ANXA5: variants seen among roughly 807,000 people sequenced by gnomAD.
ANXA5 encodes annexin A5, also known as CBP-I.
In ANXA5, 40 loss-of-function variants were observed where a neutral mutation model predicts 48.1. The ratio of observed to expected loss-of-function variants is 0.83; its 90% confidence interval spans 0.65 to 1.08. ANXA5 has a LOEUF of 1.08. Among genes scored for constraint, ANXA5 ranks in the 50% least tolerant of loss-of-function variants. ANXA5 has a pLI of 0.00. For synonymous variants in ANXA5, 113 were observed against 129.1 expected (o/e 0.88, Z 0.85); for missense variants, 357 against 376.8 (o/e 0.95, Z 0.44).
intron 2 of ANXA5, among the ~76,000 whole-genome samples, chr4:121,688,712 G>C (rs6845202): frequency 0.42 from 63,407 of 152,012 alleles, 15,472 homozygotes; most frequent in East Asian, 0.73. Flanking sequence ...CCTAAGTCAA[G>C]TGGTATGATC....
rs563787505 is a variant in ANXA5 at position 121,680,196 on chromosome 4, G to A, written c.394+1475C>T. Among the ~76,000 whole-genome samples, 5 of 152,162 alleles carry A rather than the reference G, an allele frequency of 3.3e-5. No homozygotes were observed. The South Asian group carries it at 6.2e-4, about 19-fold the overall frequency. On this transcript the variant is annotated intron_variant, in intron 6 of 12. Transcript: ENST00000296511. ...TTTCACTTTGCATTATGTCCTCCAC[G>A]TTTATCCATGATGTTGAAATGACAG...
chr4:121,673,853 A>T (rs1160213616), intron 8 of ANXA5, among the ~76,000 whole-genome samples: 1 of 152,084 alleles, frequency 6.6e-6, no homozygotes, highest in Non-Finnish European at 1.5e-5. Context: ...TCATTGAGAA[A>T]TTTTATAAAA....
At chr4:121,689,338 C>A (rs1724942770) in intron 2 of ANXA5, among the ~76,000 whole-genome samples, 1 of 152,158 alleles carries the variant, frequency 6.6e-6, no homozygotes, top group Non-Finnish European at 1.5e-5. Context: ...TTTTGAATGT[C>A]TCCCCCGTCC....
chr4:121,694,489 A>T (rs1725045339), intron 2 of ANXA5, among the ~76,000 whole-genome samples: 1 of 151,996 alleles, frequency 6.6e-6, no homozygotes. Flanking sequence ...GGTTCAAGTG[A>T]TTCTCCTGCC....
chr4:121,696,575 C>T lies in ANXA5; in HGVS notation c.9+6G>A. ...ATCCAGCGCAGTGGGGGGCGCACGG[C>T]CTTACCTGTGCCATGGCGACTACTC... On this transcript the variant is annotated splice_donor_region_variant and intron_variant, in intron 2 of 12. Coordinates refer to ENST00000296511, the MANE Select transcript of ANXA5 (RefSeq NM_001154.4). The T allele has an allele frequency of 7.0e-7, 1 of 1,420,462 alleles. No homozygotes were observed. Among genetic ancestry groups the T allele is most frequent in the Non-Finnish European group, 9.3e-7 (1 of 1,076,378 alleles). 88.0% of individuals were successfully genotyped at this position (1,420,462 alleles called of 1,614,324 possible).
At chr4:121,675,648 T>C (rs1283008125) in intron 8 of ANXA5, among the ~76,000 whole-genome samples, 1 of 152,204 alleles carries the variant, frequency 6.6e-6, no homozygotes, top group Non-Finnish European at 1.5e-5. Flanking sequence ...CAGTCTCACA[T>C]GTACTCTCAG....
chr4:121,669,976 T>C lies in ANXA5; in HGVS notation c.758A>G (p.Glu253Gly), dbSNP rs1478009233. Residue 253 changes from glutamate (E) to glycine (G), a missense_variant, in exon 11 of 13, where the codon GAG (glutamate) becomes GGG (glycine). Physicochemically the swap from Glu to Gly is moderately conservative, Grantham distance 98 (BLOSUM62 -2). Transcript: ENST00000296511. ...TACCTTCATAGCATAATAGAGGGTC[T>C]CTGCAAGGTAGGCAGGTATACTTCG... ...SIRSIPAYLAETLYYAMKGAG... is the reference protein window; with the variant it reads ...SIRSIPAYLAGTLYYAMKGAG... 1.2e-6 allele frequency: 2 copies of C among 1,604,884 alleles called. No individual in the cohort carries two copies. Among genetic ancestry groups the C allele is most frequent in the South Asian group, 1.1e-5 (1 of 89,428 alleles).
At chr4:121,673,651 CAATTTTA>C (rs2110480327) in intron 8 of ANXA5, among the ~76,000 whole-genome samples, 1 of 152,108 alleles carries the variant, frequency 6.6e-6, no homozygotes, top group South Asian at 2.1e-4. Context: ...TCTTTATGCT[CAATTTTA>C]AAATTAATTA....
intron 2 of ANXA5, among the ~76,000 whole-genome samples, chr4:121,688,902 G>C (rs1055691740): frequency 6.6e-6 from 1 of 152,108 alleles, no homozygotes. Flanking sequence ...TTGTCTCGTG[G>C]AGAGGTTATG....
chr4:121,690,928 T>TAAGA (rs1227081458), intron 2 of ANXA5, among the ~76,000 whole-genome samples: 1 of 151,992 alleles, frequency 6.6e-6, no homozygotes, highest in Non-Finnish European at 1.5e-5. Context: ...GAGAAATGAG[T>TAAGA]AAGAAGGGCA....
chr4:121,694,213 T>A (rs10006927), intron 2 of ANXA5, among the ~76,000 whole-genome samples: 2 of 148,592 alleles, frequency 1.3e-5, no homozygotes, highest in Non-Finnish European at 3.0e-5. Flanking sequence ...CAAACCTGCA[T>A]GTTGTGCACA....
intron 2 of ANXA5, among the ~76,000 whole-genome samples, chr4:121,692,101 T>C (rs948138654): frequency 6.6e-5 from 10 of 152,176 alleles, no homozygotes; most frequent in African/African-American, 2.4e-4. Flanking sequence ...TTTCCTTTCC[T>C]TTTCATGCTC....
In ANXA5 at chr4:121,681,724, A is replaced by C. The variant is rs199976717; in HGVS notation, c.341T>G (p.Ile114Ser). 8.1e-6 allele frequency: 13 copies of C among 1,612,988 alleles called. No individual in the cohort carries two copies. Among genetic ancestry groups the C allele is most frequent in the Non-Finnish European group, 8.5e-6 (10 of 1,179,286 alleles). The change falls in exon 6 of 13, where the codon ATT becomes AGT. Residue 114 changes from isoleucine to serine, a missense_variant. By Grantham distance (142) the Ile-to-Ser change is moderately radical (BLOSUM62 -2). Transcript: ENST00000296511. ...GTNEKVLTEI[I>S]ASRTPEELRA... ...CAGTTCTTCAGGTGTCCTTGAAGCA[A>C]TAATTTCTGTCAGTACTTTTTCATT... is the stretch of plus-strand genomic sequence containing the variant.
chr4:121,690,088 G>C (rs987479660), intron 2 of ANXA5, among the ~76,000 whole-genome samples: 1 of 152,228 alleles, frequency 6.6e-6, no homozygotes, highest in Non-Finnish European at 1.5e-5. Flanking sequence ...GTGGCAGCTA[G>C]TATCTGCTGA....
chr4:121,678,540 G>C (rs375266096), intron 6 of ANXA5, 46 bp from the exon 7 acceptor site: 3 of 1,467,218 alleles, frequency 2.0e-6, no homozygotes, highest in African/African-American at 1.4e-5. Context: ...CTTTCAACTA[G>C]AAAAGTAATC....
intron 9 of ANXA5, among the ~76,000 whole-genome samples, chr4:121,672,006 G>C (rs561954616): frequency 2.0e-5 from 3 of 152,230 alleles, no homozygotes; most frequent in African/African-American, 7.2e-5. Context: ...GACATCTTAT[G>C]ATAATGAAGA....
At chr4:121,694,262 TAATAAAAAATA>T (rs1325234453) in intron 2 of ANXA5, among the ~76,000 whole-genome samples, 5 of 132,708 alleles carry the variant, frequency 3.8e-5, no homozygotes, top group African/African-American at 1.5e-4. Context: ...AATATATATA[TAATAAAAAATA>T]AATAAAAAAT....
rs780273007 is a variant in ANXA5, at chr4:121,669,723, C to A, written c.782G>T (p.Gly261Val). 7 of 1,552,962 alleles carry A rather than the reference C, an allele frequency of 4.5e-6. No individual in the cohort carries two copies. The highest frequency in any genetic ancestry group is 5.2e-6 in the Non-Finnish European group (6 of 1,159,676). ...GAGGGTATGATCATCTGTCCCAGCT[C>A]CCTTTAAAAAAAAAAAAAAAGAGAG... ...LAETLYYAMK[G>V]AGTDDHTLIR... is the part of the protein sequence containing the mutation. Residue 261 changes from glycine (G) to valine (V), a missense_variant and splice_region_variant, in exon 12 of 13, where the codon GGA becomes GTA. By Grantham distance (109) the Gly-to-Val change is moderately radical. Transcript: ENST00000296511.
chr4:121,691,247 T>C (rs1041112196), intron 2 of ANXA5, among the ~76,000 whole-genome samples: 3 of 152,194 alleles, frequency 2.0e-5, no homozygotes, highest in Non-Finnish European at 4.4e-5. Context: ...AAAATATCCA[T>C]TCTTTAGGTC....
Sources: allele counts gnomAD v4.1 joint callset (sites outside exome capture counted in the v4.1 genomes callset), GRCh38; gene constraint gnomAD v4.1.1; transcripts MANE v1.5; gene names NCBI Gene and HGNC (gene_info 2026-07-23, HGNC 2026-07-21).